Variants in PHF10 observed in about 807,000 individuals in gnomAD.
The protein encoded by PHF10 is BRG1-associated factor 45a.
PHF10 carries 51 observed loss-of-function variants against 68.5 expected under a neutral mutation model. The observed-to-expected ratio is 0.74, with a 90% CI of 0.59 to 0.94. The LOEUF (loss-of-function observed/expected upper bound fraction) is 0.94, where lower values mean the gene tolerates loss of function less well. PHF10 is among the 40% of genes least tolerant of loss of function. The probability of loss-of-function intolerance (pLI) is 0.00; values close to 1 mark genes in which losing one functional copy is unlikely to be tolerated. For missense variants in PHF10, 460 were observed against 602.6 expected (o/e 0.76, Z 2.48); for synonymous variants, 204 against 203.5 (o/e 1.00, Z -0.02).
At chr6:169,709,674 G>C (rs2128329392) in intron 9 of PHF10, 1 of 152,222 alleles carries the variant, frequency 6.6e-6, no homozygotes, top group East Asian at 1.9e-4. Flanking sequence ...TCTTTACCAA[G>C]GTTATGCTAA....
intron 8 of PHF10, 96 bp downstream of exon 8, chr6:169,712,290 C>A: frequency 1.9e-6 from 2 of 1,060,802 alleles, no homozygotes; most frequent in South Asian, 2.7e-5. Flanking sequence ...TTACATGCAA[C>A]CATCCTTTTT....
chr6:169,703,957 A>T lies in PHF10; in HGVS notation c.*46T>A, dbSNP rs1241424341. ...GAAAATAATGTTGTAAATGGCACCA[A>T]ATATTCCACTTAAATGCATATACAG... On this transcript the variant is annotated 3_prime_UTR_variant, in exon 12 of 12. Coordinates refer to ENST00000339209, the MANE Select transcript of PHF10 (RefSeq NM_018288.4). The T allele has an allele frequency of 7.2e-7, 1 of 1,397,572 alleles. No individual in the cohort carries two copies. The allele number at this position is 1,397,572 out of a possible 1,614,324, so 86.6% of individuals were successfully genotyped here.
chr6:169,717,230 CAG>C (rs747925408), intron 4 of PHF10, among the ~76,000 whole-genome samples: 2 of 152,066 alleles, frequency 1.3e-5, no homozygotes, highest in African/African-American at 2.4e-5. Context: ...GCCTGGACAA[CAG>C]AGAGAGACTC....
intron 7 of PHF10, among the ~76,000 whole-genome samples, chr6:169,713,188 A>T (rs1175557750): frequency 6.6e-6 from 1 of 152,160 alleles, no homozygotes; most frequent in African/African-American, 2.4e-5. Context: ...AGTAGCCCCC[A>T]TTCAGGAGGC....
chr6:169,717,291 T>A (rs1789072976), intron 4 of PHF10, among the ~76,000 whole-genome samples: 1 of 152,140 alleles, frequency 6.6e-6, no homozygotes, highest in African/African-American at 2.4e-5. Flanking sequence ...TGTTATAGAA[T>A]AGAGGTTGAT....
At chr6:169,704,184 A>C (rs1278211398) in intron 11 of PHF10, 96 bp from the exon 12 acceptor site, 3 of 840,372 alleles carry the variant, frequency 3.6e-6, no homozygotes, top group Admixed American at 7.1e-5. Flanking sequence ...ATCACTAATG[A>C]TATTCCTCTC....
rs755703262 is a variant in PHF10, at chr6:169,712,392, G to T, written c.951C>A (p.Gly317=). 4.3e-6 allele frequency: 7 copies of T among 1,613,392 alleles called. No homozygotes were observed. Among genetic ancestry groups the T allele is most frequent in the Non-Finnish European group, 5.9e-6 (7 of 1,179,490 alleles). Residue 317 remains glycine (G), a synonymous_variant, in exon 8 of 12, where the codon GGC becomes GGA. Coordinates refer to ENST00000339209, the MANE Select transcript of PHF10 (RefSeq NM_018288.4). ...TAGAGAGAAATGTTCTCACCGAAGT[G>T]CCTTTATTTTTCCGTTTCTCATCAC... ...GRGDEKRKNK[G]TSDSSSGNVS...
chr6:169,713,427 C>T (rs934840593), intron 7 of PHF10, among the ~76,000 whole-genome samples: 9 of 151,776 alleles, frequency 5.9e-5, no homozygotes, highest in South Asian at 2.1e-4. Flanking sequence ...GGTGAAACCC[C>T]GTCTCTACTA....
At chr6:169,719,763 T>C (rs1178528751) in intron 2 of PHF10, among the ~76,000 whole-genome samples, 9 of 152,056 alleles carry the variant, frequency 5.9e-5, no homozygotes, top group Non-Finnish European at 1.3e-4. Context: ...AACCTTGGAT[T>C]TGAAGGTAGA....
At chr6:169,720,934 G>GA in intron 2 of PHF10, 71 bp downstream of exon 2, 1 of 755,630 alleles carries the variant, frequency 1.3e-6, no homozygotes, top group South Asian at 1.7e-5. Flanking sequence ...AGAGCTGGGG[G>GA]AAAGGGAAGA....
chr6:169,706,775 C>T (rs1585297648), intron 9 of PHF10, among the ~76,000 whole-genome samples: 1 of 120,164 alleles, frequency 8.3e-6, no homozygotes, highest in East Asian at 3.1e-4. Flanking sequence ...CACACACACA[C>T]ACACGTAGAT....
intron 1 of PHF10, among the ~76,000 whole-genome samples, chr6:169,722,410 T>C (rs117872858): frequency 0.01 from 1,546 of 152,302 alleles, 14 homozygotes; most frequent in Middle Eastern, 0.017. Flanking sequence ...ATTTTTTCTA[T>C]TTTACTGGTG....
chr6:169,709,447 ATTC>A (rs1788879337), intron 9 of PHF10: 1 of 152,202 alleles, frequency 6.6e-6, no homozygotes, highest in African/African-American at 2.4e-5. Context: ...TGTACAGCTA[ATTC>A]TTCCTTTTAT....
chr6:169,705,358 G>A, intron 10 of PHF10, 37 bp from the exon 11 acceptor site: 1 of 1,448,722 alleles, frequency 6.9e-7, no homozygotes, highest in Non-Finnish European at 9.5e-7. Context: ...TCTCACATAA[G>A]AAATTTTAAC....
intron 11 of PHF10, chr6:169,704,352 A>G (rs1183409520): frequency 2.5e-6 from 1 of 403,980 alleles, no homozygotes. Flanking sequence ...AGAAAGTACA[A>G]TCTTTCCTGA....
At chr6:169,707,367 A>C (rs1223848139) in intron 9 of PHF10, 2 of 152,190 alleles carry the variant, frequency 1.3e-5, no homozygotes, top group African/African-American at 4.8e-5. Context: ...TCTATAATCC[A>C]AATTCTGGTT....
chr6:169,718,959 C>A, intron 2 of PHF10, 41 bp from the exon 3 acceptor site: 2 of 1,321,502 alleles, frequency 1.5e-6, no homozygotes, highest in South Asian at 2.5e-5. Flanking sequence ...ATGTAGCTTT[C>A]ATTAATTTTT....
Position 169,712,524 on chromosome 6 carries a change from C to T in PHF10, c.819G>A (p.Glu273=). Residue 273 remains glutamate (E), a synonymous_variant, in exon 8 of 12, where the codon GAG becomes GAA. Coordinates refer to ENST00000339209, the MANE Select transcript of PHF10 (RefSeq NM_018288.4). ...QEYYKRYSPD[E]LRYLPLNTAL... ...CTGTGTTTAATGGCAGATACCGCAG[C>T]TCATCTGGTGAGTACCTGAAGTTCA... 3 of 1,612,978 alleles carry T rather than the reference C, an allele frequency of 1.9e-6. No homozygotes were observed. Among genetic ancestry groups the T allele is most frequent in the Non-Finnish European group, 2.5e-6 (3 of 1,179,692 alleles).
chr6:169,710,871 T>C (rs1164418759), intron 8 of PHF10, among the ~76,000 whole-genome samples: 4 of 152,106 alleles, frequency 2.6e-5, no homozygotes, highest in Non-Finnish European at 5.9e-5. Context: ...AAGTACACAT[T>C]TGTGTTTTCA....
Sources: allele counts gnomAD v4.1 joint callset (sites outside exome capture counted in the v4.1 genomes callset), GRCh38; gene constraint gnomAD v4.1.1; transcripts MANE v1.5; gene names NCBI Gene and HGNC (gene_info 2026-07-23, HGNC 2026-07-21).